Variants in ZNF462 observed in about 807,000 individuals in gnomAD.
ZNF462 encodes the protein zinc finger protein 462, also known as zinc finger PBX1-interacting protein.
Under a neutral mutation model 201.9 loss-of-function variants are expected in ZNF462, and 10 were observed. The observed-to-expected ratio is 0.05, with a 90% confidence interval of 0.03 to 0.08. The LOEUF (loss-of-function observed/expected upper bound fraction) is 0.08. Ranked by LOEUF, ZNF462 falls within the 10% of genes least tolerant of loss-of-function variation. ZNF462 has a pLI of 1.00. For synonymous variants in ZNF462, 1,227 were observed against 1,193.3 expected (o/e 1.03, Z -0.58); for missense variants, 2,523 against 3,168.3 (o/e 0.80, Z 4.89).
At chr9:106,904,852 G>A (rs1185548656) in intron 1 of ZNF462, among the ~76,000 whole-genome samples, 1 of 151,990 alleles carries the variant, frequency 6.6e-6, no homozygotes, top group Non-Finnish European at 1.5e-5. Flanking sequence ...CTTGCATTGG[G>A]CTTTACCTTT....
intron 1 of ZNF462, among the ~76,000 whole-genome samples, chr9:106,873,330 CTT>C (rs1033861320): frequency 3.3e-5 from 5 of 151,728 alleles, no homozygotes; most frequent in African/African-American, 7.3e-5. Flanking sequence ...GTAGGGGACA[CTT>C]TAGGAAATAA....
In ZNF462 at chr9:106,917,729, A is replaced by G. The variant is rs1829830899; in HGVS notation, c.-30-5625A>G. On this transcript the variant is annotated intron_variant, in intron 1 of 12. Coordinates refer to ENST00000277225, the MANE Select transcript of ZNF462 (RefSeq NM_021224.6). This position sits in a 1 kb window ranked among gnomAD's most constrained non-coding sequence, Gnocchi z 4.5. ...AAAAAGTATAAACATTTGATAGGTC[A>G]TTTGAAGACTACATGGTGAGCCAGA... Among the ~76,000 whole-genome samples the G allele has an allele frequency of 6.6e-6, 1 of 152,184 alleles. No individual in the cohort carries two copies. The highest frequency in any genetic ancestry group is 6.5e-5 in the Admixed American group (1 of 15,272).
At chr9:106,881,377 C>T (rs1287517830) in intron 1 of ZNF462, among the ~76,000 whole-genome samples, 2 of 150,430 alleles carry the variant, frequency 1.3e-5, no homozygotes, top group East Asian at 1.9e-4. Flanking sequence ...GTGGAAAGAT[C>T]GTAGACCTCA....
chr9:106,870,802 T>C lies in ZNF462; in HGVS notation c.-31+7447T>C, dbSNP rs1203598917. ...AAAGCCCAGGATTTGTGGAGAGAGCTTAGCCGCCACAGAGCCCAGCTGGGG... is the reference window on the plus strand; with the variant it reads ...AAAGCCCAGGATTTGTGGAGAGAGCCTAGCCGCCACAGAGCCCAGCTGGGG... On this transcript the variant is annotated intron_variant, in intron 1 of 12. Coordinates refer to ENST00000277225, the MANE Select transcript of ZNF462 (RefSeq NM_021224.6). The surrounding 1 kb of genome is among the most constrained non-coding windows in gnomAD (Gnocchi z 4.3). Among the ~76,000 whole-genome samples, 1 of 152,194 alleles carries C rather than the reference T, an allele frequency of 6.6e-6. No individual in the cohort carries two copies. The highest frequency in any genetic ancestry group is 1.5e-5 in the Non-Finnish European group (1 of 68,042).
rs201596177 is a variant in ZNF462 at position 106,927,431 on chromosome 9, A to G, written c.3519A>G (p.Ile1173Met). Residue 1173 changes from isoleucine to methionine, a missense_variant, in exon 3 of 13, where the codon ATA becomes ATG. Ile to Met is a conservative substitution (Grantham distance 10, BLOSUM62 1). Coordinates refer to ENST00000277225, the MANE Select transcript of ZNF462 (RefSeq NM_021224.6). Reference sequence around the variant, plus strand: ...GCTCCCCCCGGCCACCCGCCCCCATACAACAGCTGAACCGAAGCAGCTCTG... The same window carrying G: ...GCTCCCCCCGGCCACCCGCCCCCATGCAACAGCTGAACCGAAGCAGCTCTG... ...PQGSPRPPAP[I>M]QQLNRSSSER... The G allele has an allele frequency of 1.1e-5, 17 of 1,613,848 alleles. No homozygotes were observed. The highest frequency in any genetic ancestry group is 8.3e-5 in the Admixed American group (5 of 60,012).
At position 107,010,807 on chromosome 9, in the gene ZNF462, A is replaced by G. The variant is rs1333159995; in HGVS notation, c.7314-16A>G. The G allele has an allele frequency of 1.2e-6, 2 of 1,606,572 alleles. No individual in the cohort carries two copies. Among genetic ancestry groups the G allele is most frequent in the Non-Finnish European group, 8.5e-7 (1 of 1,176,204 alleles). ...TATACTATACTCATCTGTCTCTTCG[A>G]TAAATGTTTTTCCAGGGCATTGAAT... On this transcript the variant is annotated splice_polypyrimidine_tract_variant and intron_variant, in intron 12 of 12. Transcript: ENST00000277225. This position sits in a 1 kb window ranked among gnomAD's most constrained non-coding sequence, Gnocchi z 4.6.
rs1385551475 is a variant in ZNF462, at chr9:106,926,810, G to A, written c.2898G>A (p.Gln966=). ...TATTTTCAAGCTATGTCGTGGAGCA[G>A]CAGGAAGGGCTGAATACAGAATCCC... The part of the protein sequence containing the change: ...AMIFSSYVVE[Q]QEGLNTESQT... The change falls in exon 3 of 13, where the codon CAG becomes CAA. Residue 966 remains glutamine (Q), a synonymous_variant. Coordinates refer to ENST00000277225, the MANE Select transcript of ZNF462 (RefSeq NM_021224.6). The surrounding 1 kb of genome is among the most constrained non-coding windows in gnomAD (Gnocchi z 7.9). 2 of 1,614,182 alleles carry A rather than the reference G, an allele frequency of 1.2e-6. No individual in the cohort carries two copies. The highest frequency in any genetic ancestry group is 1.1e-5 in the South Asian group (1 of 91,084).
chr9:106,928,645 G>A lies in ZNF462; in HGVS notation c.4733G>A (p.Arg1578Gln), dbSNP rs147201759. ...RIFKQGYGAY[R>Q]CKLCPYTHGT... ...TTCAAGCAAGGGTATGGCGCCTACC[G>A]GTGCAAACTGTGTCCGTACACACAC... Residue 1578 changes from arginine (R) to glutamine (Q), a missense_variant, in exon 3 of 13, where the codon CGG becomes CAG. Transcript: ENST00000277225. The surrounding 1 kb of genome is among the most constrained non-coding windows in gnomAD (Gnocchi z 9.3). 8.1e-6 allele frequency: 13 copies of A among 1,613,986 alleles called. No homozygotes were observed. Among genetic ancestry groups the A allele is most frequent in the Middle Eastern group, 1.6e-4 (1 of 6,084 alleles).
chr9:106,904,088 A>G (rs1334011987), intron 1 of ZNF462, among the ~76,000 whole-genome samples: 2 of 152,118 alleles, frequency 1.3e-5, no homozygotes, highest in Non-Finnish European at 2.9e-5. Context: ...TTTAAGATTT[A>G]GAGTTCCTTT....
chr9:106,882,233 G>C (rs1051084164), intron 1 of ZNF462, among the ~76,000 whole-genome samples: 2 of 152,198 alleles, frequency 1.3e-5, no homozygotes, highest in African/African-American at 4.8e-5. Context: ...AAGGCAGGCT[G>C]AGTCTCCCTT....
At chr9:106,877,132 C>T (rs752560863) in intron 1 of ZNF462, among the ~76,000 whole-genome samples, 6 of 151,854 alleles carry the variant, frequency 4.0e-5, no homozygotes, top group Non-Finnish European at 5.9e-5. Context: ...CCAGACTTAC[C>T]TTATTGGGTC....
In ZNF462 at chr9:106,902,008, G is replaced by T. The variant is rs1173055235; in HGVS notation, c.-30-21346G>T. On this transcript the variant is annotated intron_variant, in intron 1 of 12. Coordinates refer to ENST00000277225, the MANE Select transcript of ZNF462 (RefSeq NM_021224.6). This position sits in a 1 kb window ranked among gnomAD's most constrained non-coding sequence, Gnocchi z 4.2. ...TCCTTGTCTTGTTCCAGTTCTCAGA[G>T]GGAGAGCTTTCAACTTTCCCCATTC... Among the ~76,000 whole-genome samples the T allele has an allele frequency of 6.6e-6, 1 of 152,136 alleles. No homozygotes were observed. The highest frequency in any genetic ancestry group is 1.5e-5 in the Non-Finnish European group (1 of 68,018).
intron 1 of ZNF462, among the ~76,000 whole-genome samples, chr9:106,892,427 C>T (rs983723373): frequency 2.0e-5 from 3 of 152,150 alleles, no homozygotes; most frequent in Admixed American, 6.5e-5. Flanking sequence ...CCCCATGCCC[C>T]ACTCAATAAC....
In ZNF462 at chr9:106,917,390, A is replaced by G. The variant is rs1829816966; in HGVS notation, c.-30-5964A>G. Among the ~76,000 whole-genome samples the G allele has an allele frequency of 2.0e-5, 3 of 152,198 alleles. No individual in the cohort carries two copies. Among genetic ancestry groups the G allele is most frequent in the Admixed American group, 1.3e-4 (2 of 15,278 alleles). ...TAGGTGATTGGGTTATTAATCTGCA[A>G]ATTGCCTGCTTCAGACTTTGTGCTT... On this transcript the variant is annotated intron_variant, in intron 1 of 12. Coordinates refer to ENST00000277225, the MANE Select transcript of ZNF462 (RefSeq NM_021224.6). This position sits in a 1 kb window ranked among gnomAD's most constrained non-coding sequence, Gnocchi z 4.5.
rs1335532317 is a variant in ZNF462, at chr9:107,005,629, A to G, written c.7189+2203A>G. Among the ~76,000 whole-genome samples the G allele has an allele frequency of 6.6e-6, 1 of 152,144 alleles. No individual in the cohort carries two copies. The highest frequency in any genetic ancestry group is 1.5e-5 in the Non-Finnish European group (1 of 68,026). The stretch of plus-strand genomic sequence containing the variant: ...TTGCAAATATTTTCACTCATTCCAT[A>G]GGTTGTCTATTACTGTGTTGATTGT... On this transcript the variant is annotated intron_variant, in intron 11 of 12. Coordinates refer to ENST00000277225, the MANE Select transcript of ZNF462 (RefSeq NM_021224.6). This position sits in a 1 kb window ranked among gnomAD's most constrained non-coding sequence, Gnocchi z 4.4.
chr9:106,870,560 C>T lies in ZNF462; in HGVS notation c.-31+7205C>T, dbSNP rs1827544986. ...GTAATTCAGGAAGTTATTTGCTAGA[C>T]CTTCACATAGACAAATTTTAACAAA... is the stretch of plus-strand genomic sequence containing the variant. On this transcript the variant is annotated intron_variant, in intron 1 of 12. Transcript: ENST00000277225. This position sits in a 1 kb window ranked among gnomAD's most constrained non-coding sequence, Gnocchi z 4.3. 6.6e-6 allele frequency among the ~76,000 whole-genome samples: 1 copy of T among 152,076 alleles called. No individual in the cohort carries two copies. Among genetic ancestry groups the T allele is most frequent in the Non-Finnish European group, 1.5e-5 (1 of 68,028 alleles).
chr9:106,862,365 C>A (rs1827093387), upstream of ZNF462, among the ~76,000 whole-genome samples: 1 of 152,106 alleles, frequency 6.6e-6, no homozygotes, highest in Non-Finnish European at 1.5e-5. This position sits in a 1 kb window ranked among gnomAD's most constrained non-coding sequence, Gnocchi z 4.2. Context: ...ACGTTGGGAG[C>A]GCTATGAGCT....
intron 1 of ZNF462, among the ~76,000 whole-genome samples, chr9:106,898,308 T>C (rs1828899518): frequency 1.3e-5 from 2 of 152,148 alleles, no homozygotes; most frequent in Non-Finnish European, 1.5e-5. Flanking sequence ...TGAAAATGTT[T>C]GGGAGATTCA....
At chr9:106,911,357 T>C (rs182982619) in intron 1 of ZNF462, among the ~76,000 whole-genome samples, 2 of 152,178 alleles carry the variant, frequency 1.3e-5, no homozygotes, top group Admixed American at 1.3e-4. Context: ...AGGGCTCCAA[T>C]GCAGTGGAGC....
Sources: gnomAD v4.1 joint callset for allele counts (sites outside exome capture counted in the v4.1 genomes callset) on GRCh38, gnomAD v4.1.1 for gene constraint, Gnocchi (gnomAD v3.1) non-coding constraint, MANE v1.5 for transcripts, NCBI Gene and HGNC (gene_info 2026-07-23, HGNC 2026-07-21) for gene names.